The following MEST variants were observed in gnomAD, a reference collection of about 807,000 sequenced individuals.
MEST encodes mesoderm-specific transcript homolog protein.
MEST carries 18 observed loss-of-function variants against 50.9 expected under a neutral mutation model. The observed-to-expected ratio is 0.35, with a 90% CI of 0.24 to 0.52. The LOEUF is 0.52. Ranked by LOEUF, MEST falls within the 20% of genes least tolerant of loss-of-function variation. The pLI is 0.94. For missense variants in MEST, 282 were observed against 425.3 expected (o/e 0.66, Z 2.96); for synonymous variants, 130 against 154.1 (o/e 0.84, Z 1.16).
intron 10 of MEST, 31 bp downstream of exon 10, chr7:130,502,751 T>C: frequency 2.6e-6 from 4 of 1,529,538 alleles, no homozygotes; most frequent in South Asian, 1.1e-5. Context: ...GATAGGAAAC[T>C]GAAGGACTAT....
intron 1 of MEST, among the ~76,000 whole-genome samples, chr7:130,493,650 C>T (rs1386207933): frequency 6.6e-6 from 1 of 152,134 alleles, no homozygotes; most frequent in African/African-American, 2.4e-5. Flanking sequence ...CCCTGAGCAG[C>T]GGCGGGGAAG....
chr7:130,487,019 G>A (rs10232290), intron 1 of MEST: 107,687 of 151,542 alleles, frequency 0.71, 39,297 homozygotes, highest in Non-Finnish European at 0.8. Context: ...GAGGAGAGCA[G>A]TCGAGGAAAA....
rs1798848597 is a variant in MEST, at chr7:130,492,223, C to A, written c.-91C>A. ...CGCGGGCTGTGGGCTGCGGGCTGCG[C>A]CCCCGCTGCTGGCCAGCTCTGCACG... On this transcript the variant is annotated 5_prime_UTR_variant, in exon 1 of 12. Coordinates refer to ENST00000223215, the MANE Select transcript of MEST (RefSeq NM_002402.4). This position sits in a 1 kb window ranked among gnomAD's most constrained non-coding sequence, Gnocchi z 7.6. 9 of 1,125,566 alleles carry A rather than the reference C, an allele frequency of 8.0e-6. No individual in the cohort carries two copies. Among genetic ancestry groups the A allele is most frequent in the Admixed American group, 4.4e-5 (1 of 22,658 alleles). 69.7% of individuals were successfully genotyped at this position (1,125,566 alleles called of 1,614,324 possible).
At chr7:130,489,525 TG>T (rs1257513705), upstream of MEST, 1 of 152,230 alleles carries the variant, frequency 6.6e-6, no homozygotes, top group Non-Finnish European at 1.5e-5. Flanking sequence ...CTTTGGCTCC[TG>T]GGGGATTATG....
Position 130,497,587 on chromosome 7 carries a change from A to G in MEST, c.262-349A>G, listed in dbSNP as rs947320606. On this transcript the variant is annotated intron_variant, in intron 3 of 11. Transcript: ENST00000223215. This position sits in a 1 kb window ranked among gnomAD's most constrained non-coding sequence, Gnocchi z 4.0. ...AAAATTTTTTTTTAATAAAAATTTA[A>G]AAAACCTCAAGGATTTTGTTGTCAG... 14 of 249,752 alleles carry G rather than the reference A, an allele frequency of 5.6e-5. No individual in the cohort carries two copies. The highest frequency in any genetic ancestry group is 7.6e-6 in the Non-Finnish European group (1 of 131,270). 15.5% of individuals were successfully genotyped at this position (249,752 alleles called of 1,614,324 possible). A position where few individuals can be genotyped will look rare whatever the true frequency, so the allele number is the denominator to read the frequency against.
At chr7:130,491,199 CCT>C (rs1350343565), upstream of MEST, 35 of 152,430 alleles carry the variant, frequency 2.3e-4, no homozygotes, top group African/African-American at 8.2e-4. This position sits in a 1 kb window ranked among gnomAD's most constrained non-coding sequence, Gnocchi z 6.8. Context: ...AAAATTCCTC[CCT>C]CTTTCTTGTG....
Position 130,505,904 on chromosome 7 carries a change from G to A in MEST, c.*848G>A, listed in dbSNP as rs1275564186. 1 of 152,268 alleles carries A rather than the reference G, an allele frequency of 6.6e-6. No homozygotes were observed. Among genetic ancestry groups the A allele is most frequent in the Non-Finnish European group, 1.5e-5 (1 of 68,034 alleles). 9.4% of individuals were successfully genotyped at this position (152,268 alleles called of 1,614,324 possible). Reference sequence around the variant, plus strand: ...GTCTGAGACTCCTCATACCTCAGTGGTTAGAAGCATGTCTCTCTTGAGCTA... The same window carrying A: ...GTCTGAGACTCCTCATACCTCAGTGATTAGAAGCATGTCTCTCTTGAGCTA... On this transcript the variant is annotated 3_prime_UTR_variant, in exon 12 of 12. Coordinates refer to ENST00000223215, the MANE Select transcript of MEST (RefSeq NM_002402.4).
Position 130,502,655 on chromosome 7 carries a change from A to C in MEST, c.761A>C (p.Tyr254Ser). The C allele has an allele frequency of 6.2e-7, 1 of 1,613,708 alleles. No individual in the cohort carries two copies. Among genetic ancestry groups the C allele is most frequent in the South Asian group, 1.1e-5 (1 of 91,074 alleles). The change falls in exon 10 of 12, where the codon TAC (tyrosine) becomes TCC (serine). Residue 254 changes from tyrosine to serine, a missense_variant. Tyr to Ser is a moderately radical substitution (Grantham distance 144). Coordinates refer to ENST00000223215, the MANE Select transcript of MEST (RefSeq NM_002402.4). ...TACCTGTCCTACAGTCTCTTACAGT[A>C]CATCAATCAGAGGAAGAAGTTCAGA... is the stretch of plus-strand genomic sequence containing the variant. The part of the protein sequence containing the change: ...GNLVIDSLLQ[Y>S]INQRKKFRRR...
At position 130,497,003 on chromosome 7, in the gene MEST, A is replaced by C. The variant is rs1799086564; in HGVS notation, c.182-153A>C. The C allele has an allele frequency of 3.6e-6, 2 of 556,588 alleles. No individual in the cohort carries two copies. Among genetic ancestry groups the C allele is most frequent in the Non-Finnish European group, 6.4e-6 (2 of 311,474 alleles). 34.5% of individuals were successfully genotyped at this position (556,588 alleles called of 1,614,324 possible). Reference sequence around the variant, plus strand: ...GAAAAGGCCTGTTCTCACCTAACGCAGTTAAGCTTACATTTTACAAATAAT... The same window carrying C: ...GAAAAGGCCTGTTCTCACCTAACGCCGTTAAGCTTACATTTTACAAATAAT... On this transcript the variant is annotated intron_variant, in intron 2 of 11. Coordinates refer to ENST00000223215, the MANE Select transcript of MEST (RefSeq NM_002402.4). The surrounding 1 kb of genome is among the most constrained non-coding windows in gnomAD (Gnocchi z 4.0).
At chr7:130,502,929 T>A (rs1316184515) in intron 10 of MEST, among the ~76,000 whole-genome samples, 6 of 152,168 alleles carry the variant, frequency 3.9e-5, no homozygotes, top group Non-Finnish European at 7.3e-5. Flanking sequence ...CAAAAAAAAA[T>A]CATTTTTCAC....
At chr7:130,493,510 A>G (rs529297901) in intron 1 of MEST, among the ~76,000 whole-genome samples, 67 of 152,326 alleles carry the variant, frequency 4.4e-4, no homozygotes, top group African/African-American at 1.6e-3. Context: ...TACTGAGGTA[A>G]TAAGACAAAA....
intron 9 of MEST, chr7:130,501,180 C>T (rs879949957): frequency 7.6e-5 from 19 of 251,616 alleles, no homozygotes; most frequent in African/African-American, 2.0e-4. Context: ...TCTGCAGCAA[C>T]GGGGAGTGAG....
chr7:130,500,749 TCTC>T lies in MEST; in HGVS notation c.648-36_648-34del, dbSNP rs1554438323. 1 of 1,543,370 alleles carries T rather than the reference TCTC, an allele frequency of 6.5e-7. No homozygotes were observed. The highest frequency in any genetic ancestry group is 1.2e-5 in the South Asian group (1 of 84,156). On this transcript the variant is annotated intron_variant, in intron 8 of 11. Transcript: ENST00000223215. This position sits in a 1 kb window ranked among gnomAD's most constrained non-coding sequence, Gnocchi z 5.0. ...TCCAGCCATATTGAACATTCTGAGTTCTCCTCACACTTATCTTCCTGCGTTTTG... is the reference window on the plus strand; with the variant it reads ...TCCAGCCATATTGAACATTCTGAGTTCTCACACTTATCTTCCTGCGTTTTG...
rs201576204 is a variant in MEST, at chr7:130,499,863, T to A, written c.536-12T>A. On this transcript the variant is annotated splice_polypyrimidine_tract_variant and intron_variant, in intron 6 of 11. Coordinates refer to ENST00000223215, the MANE Select transcript of MEST (RefSeq NM_002402.4). ...GCTGTAGGTAAATGACTAAGATAAG[T>A]CTCTTCTACAGGTATCTTTCCTGAG... 6.9e-6 allele frequency: 11 copies of A among 1,600,592 alleles called. No homozygotes were observed. The East Asian group carries it at 2.5e-4, about 36-fold the overall frequency.
At chr7:130,494,115 A>G (rs1554436183) in intron 1 of MEST, among the ~76,000 whole-genome samples, 1 of 152,200 alleles carries the variant, frequency 6.6e-6, no homozygotes, top group Admixed American at 6.5e-5. Flanking sequence ...CCACTGTAAA[A>G]CCACAGGCTT....
intron 6 of MEST, chr7:130,498,848 A>C (rs2116275036): frequency 3.4e-6 from 1 of 289,994 alleles, no homozygotes; most frequent in Admixed American, 4.8e-5. Flanking sequence ...CATATCTGAA[A>C]CAACTGCAAT....
chr7:130,489,229 T>A (rs1554434465), upstream of MEST: 2 of 152,220 alleles, frequency 1.3e-5, no homozygotes, highest in African/African-American at 4.8e-5. Flanking sequence ...TGAGGTCTTA[T>A]CATGAGGCGG....
intron 11 of MEST, among the ~76,000 whole-genome samples, 189 bp from the exon 12 acceptor site, chr7:130,504,750 T>A (rs1435579417): frequency 2.0e-5 from 3 of 152,228 alleles, no homozygotes. Context: ...ATTTAAAAAC[T>A]AGTTTGTATA....
rs782585030 is a variant in MEST at position 130,500,970 on chromosome 7, G to T, written c.749+80G>T. On this transcript the variant is annotated intron_variant, in intron 9 of 11. Transcript: ENST00000223215. The surrounding 1 kb of genome is among the most constrained non-coding windows in gnomAD (Gnocchi z 5.0). ...GGATTGCTTGTTCTGTTCCTTGCTG[G>T]CTTATTCCCTATCACAGGAAGGCTG... The T allele has an allele frequency of 5.7e-6, 7 of 1,235,392 alleles. No individual in the cohort carries two copies. The highest frequency in any genetic ancestry group is 8.1e-6 in the Non-Finnish European group (7 of 868,458). The allele number at this position is 1,235,392 out of a possible 1,614,324, so 76.5% of individuals were successfully genotyped here.
Sources: gnomAD v4.1 joint callset for allele counts (sites outside exome capture counted in the v4.1 genomes callset) on GRCh38, gnomAD v4.1.1 for gene constraint, Gnocchi (gnomAD v3.1) non-coding constraint, MANE v1.5 for transcripts, NCBI Gene and HGNC (gene_info 2026-07-23, HGNC 2026-07-21) for gene names.